The following PLAAT1 variants were observed in gnomAD, a reference collection of about 807,000 sequenced individuals.
PLAAT1 encodes the protein phospholipase A and acyltransferase 1, also known as H-REV107 protein-related protein.
PLAAT1 carries 13 observed loss-of-function variants against 16.4 expected under a neutral mutation model. That is an observed-to-expected ratio of 0.79 (90% confidence interval 0.52 to 1.26). PLAAT1 has a LOEUF of 1.26. Among genes scored for constraint, PLAAT1 ranks in the 50% most tolerant of loss-of-function variants. PLAAT1 has a pLI of 0.00. For synonymous variants in PLAAT1, 73 were observed against 78.4 expected, an observed-to-expected ratio of 0.93 and a Z score of 0.36; for missense variants, 218 against 207.8, an observed-to-expected ratio of 1.05 and a Z score of -0.30.
intron 3 of PLAAT1, among the ~76,000 whole-genome samples, chr3:193,265,749 G>A (rs1339930242): frequency 6.6e-6 from 1 of 151,148 alleles, no homozygotes; most frequent in Non-Finnish European, 1.5e-5. Flanking sequence ...TTCTCATTAG[G>A]AAATGTATTA....
intron 1 of PLAAT1, among the ~76,000 whole-genome samples, chr3:193,246,327 G>T (rs370797026): frequency 7.5e-4 from 114 of 151,676 alleles, no homozygotes; most frequent in Non-Finnish European, 1.2e-3. Context: ...GCTTTTTGTC[G>T]TTCATTTTGT....
chr3:193,251,118 A>G (rs1472894921), intron 1 of PLAAT1, among the ~76,000 whole-genome samples: 4 of 152,158 alleles, frequency 2.6e-5, no homozygotes, highest in Admixed American at 2.6e-4. Flanking sequence ...AGGGAAAAAG[A>G]TACAGGAATG....
Position 193,255,757 on chromosome 3 carries a change from G to A in PLAAT1, c.107G>A (p.Gly36Asp), listed in dbSNP as rs1295014067. 2 of 1,611,480 alleles carry A rather than the reference G, an allele frequency of 1.2e-6. No homozygotes were observed. Among genetic ancestry groups the A allele is most frequent in the South Asian group, 2.2e-5 (2 of 90,550 alleles). The change falls in exon 2 of 4, where the codon GGT (glycine) becomes GAT (aspartate). Residue 36 changes from glycine to aspartate, a missense_variant. Transcript: ENST00000264735. ...PGYQHWALYLGDGYVINIAPV... is the reference protein window; with the variant it reads ...PGYQHWALYLDDGYVINIAPV... ...TATCAGCACTGGGCCCTGTACTTGG[G>A]TGATGGTTACGTTATCAACATAGCA... is the stretch of plus-strand genomic sequence containing the variant.
In PLAAT1 at chr3:193,241,437, G is replaced by T. The variant is rs1715740394; in HGVS notation, c.-97G>T. 7.3e-6 allele frequency: 9 copies of T among 1,231,830 alleles called. No individual in the cohort carries two copies. The highest frequency in any genetic ancestry group is 9.1e-6 in the Non-Finnish European group (9 of 988,038). 76.3% of individuals were successfully genotyped at this position (1,231,830 alleles called of 1,614,324 possible). A position where few individuals can be genotyped will look rare whatever the true frequency, so the allele number is the denominator to read the frequency against. On this transcript the variant is annotated 5_prime_UTR_variant, in exon 1 of 4. Coordinates refer to ENST00000264735, the MANE Select transcript of PLAAT1 (RefSeq NM_020386.5). ...GTACAGATGGAGTCGTCCCGCGGCC[G>T]CCGGCGGCAAGGTCGGCAGCTGCGA...
downstream of PLAAT1, chr3:193,281,051 A>T: frequency 4.3e-6 from 1 of 233,400 alleles, no homozygotes; most frequent in Non-Finnish European, 7.0e-6. Flanking sequence ...AAATAAATGC[A>T]GCACGTCTCA....
At chr3:193,275,989 A>AACACTTAAGTTGAATG (rs1310231572) in intron 2 of PLAAT1, among the ~76,000 whole-genome samples, 2 of 152,202 alleles carry the variant, frequency 1.3e-5, no homozygotes, top group Non-Finnish European at 2.9e-5. Context: ...GCATCTCAAC[A>AACACTTAAGTTGAATG]ACACTTAAGT....
downstream of PLAAT1, chr3:193,275,338 C>T (rs200936207): frequency 2.8e-5 from 45 of 1,602,696 alleles, no homozygotes; most frequent in Admixed American, 2.2e-4. Flanking sequence ...CAATTTATTG[C>T]GCAGGTCCCC....
chr3:193,281,149 C>T (rs141493831), downstream of PLAAT1: 26 of 983,322 alleles, frequency 2.6e-5, no homozygotes, highest in East Asian at 2.4e-3. Context: ...CTTGGTGATA[C>T]GATTTCAGGA....
chr3:193,252,296 C>T (rs1461597106), intron 1 of PLAAT1, among the ~76,000 whole-genome samples: 2 of 152,114 alleles, frequency 1.3e-5, no homozygotes, highest in Non-Finnish European at 2.9e-5. Flanking sequence ...TCCCATGATC[C>T]ACATGCTTCC....
At chr3:193,246,291 T>C (rs1444281765) in intron 1 of PLAAT1, among the ~76,000 whole-genome samples, 1 of 152,216 alleles carries the variant, frequency 6.6e-6, no homozygotes, top group East Asian at 1.9e-4. Context: ...CAAATGTTTT[T>C]TCTGCATCTA....
chr3:193,262,886 C>A, intron 2 of PLAAT1, 84 bp from the exon 3 acceptor site: 1 of 1,380,478 alleles, frequency 7.2e-7, no homozygotes, highest in Non-Finnish European at 1.0e-6. Flanking sequence ...TTTAGACATG[C>A]CAGCATTTCC....
intron 2 of PLAAT1, among the ~76,000 whole-genome samples, chr3:193,256,052 T>C (rs1716361118): frequency 2.0e-5 from 3 of 152,158 alleles, no homozygotes; most frequent in Admixed American, 6.5e-5. Context: ...GGGGAAAATA[T>C]TTGCCACAAA....
At chr3:193,274,595 C>T (rs1577315670), downstream of PLAAT1, among the ~76,000 whole-genome samples, 1 of 152,094 alleles carries the variant, frequency 6.6e-6, no homozygotes, top group East Asian at 1.9e-4. Flanking sequence ...ACCAGTGAAA[C>T]AAAAAGAGGA....
chr3:193,250,384 A>C (rs1231872350), intron 1 of PLAAT1, among the ~76,000 whole-genome samples: 1 of 152,132 alleles, frequency 6.6e-6, no homozygotes, highest in Admixed American at 6.6e-5. Context: ...TCTCCCACTC[A>C]TTCTGCCCTA....
chr3:193,277,927 C>T (rs1246092598), downstream of PLAAT1, among the ~76,000 whole-genome samples: 1 of 152,206 alleles, frequency 6.6e-6, no homozygotes, highest in African/African-American at 2.4e-5. Flanking sequence ...CCTCAGCCTC[C>T]CAAGTAGCTG....
intron 3 of PLAAT1, among the ~76,000 whole-genome samples, chr3:193,268,161 A>G (rs887352262): frequency 2.6e-5 from 4 of 152,322 alleles, no homozygotes; most frequent in Non-Finnish European, 5.9e-5. Context: ...CAAAATTTCT[A>G]AGAACATACT....
At chr3:193,244,047 G>A (rs1336161736) in intron 1 of PLAAT1, among the ~76,000 whole-genome samples, 2 of 152,210 alleles carry the variant, frequency 1.3e-5, no homozygotes, top group African/African-American at 4.8e-5. Flanking sequence ...TGTCGCATAT[G>A]TCAATAGTTT....
intron 3 of PLAAT1, among the ~76,000 whole-genome samples, chr3:193,270,302 C>G (rs1282414644): frequency 6.6e-6 from 1 of 152,136 alleles, no homozygotes; most frequent in Non-Finnish European, 1.5e-5. Flanking sequence ...ACCTCTTTCA[C>G]CAGTGTACTA....
downstream of PLAAT1, among the ~76,000 whole-genome samples, chr3:193,274,229 C>T (rs189672412): frequency 1.5e-4 from 23 of 152,162 alleles, no homozygotes; most frequent in African/African-American, 3.1e-4. Context: ...GGTGACAGAG[C>T]GAGACACCAT....
Sources: allele counts gnomAD v4.1 joint callset (sites outside exome capture counted in the v4.1 genomes callset), GRCh38; gene constraint gnomAD v4.1.1; transcripts MANE v1.5; gene names NCBI Gene and HGNC (gene_info 2026-07-23, HGNC 2026-07-21).